The following TENM2 variants were observed in gnomAD, a reference collection of about 807,000 sequenced individuals.
The protein encoded by TENM2 is teneurin transmembrane protein 2.
In TENM2, 52 loss-of-function variants were observed where a neutral mutation model predicts 245.2. The ratio of observed to expected loss-of-function variants is 0.21; its 90% CI spans 0.17 to 0.27. TENM2 has a LOEUF of 0.27. TENM2 is among the 10% of genes least tolerant of loss of function. The probability of loss-of-function intolerance (pLI) is 1.00; values close to 1 mark genes in which losing one functional copy is unlikely to be tolerated. For synonymous variants in TENM2, 1,363 were observed against 1,438.9 expected, an observed-to-expected ratio of 0.95 and a Z score of 1.19; for missense variants, 3,046 against 3,666.8, an observed-to-expected ratio of 0.83 and a Z score of 4.37.
intron 20 of TENM2, among the ~76,000 whole-genome samples, chr5:168,213,706 C>T (rs1762963839): frequency 6.6e-6 from 1 of 151,892 alleles, no homozygotes; most frequent in Admixed American, 6.6e-5. Flanking sequence ...TGGTGGCATG[C>T]ACCTGTAGTT....
At chr5:168,255,939 G>C (rs1334465566) in intron 27 of TENM2, among the ~76,000 whole-genome samples, 3 of 151,854 alleles carry the variant, frequency 2.0e-5, no homozygotes, top group Non-Finnish European at 4.4e-5. Flanking sequence ...CTGAGTAGCT[G>C]GGATTACAGG....
chr5:167,744,887 CCT>C (rs1210433455), intron 2 of TENM2, among the ~76,000 whole-genome samples: 1 of 152,110 alleles, frequency 6.6e-6, no homozygotes, highest in Non-Finnish European at 1.5e-5. Flanking sequence ...GGACCTAGGA[CCT>C]ATAGATTTTA....
intron 12 of TENM2, among the ~76,000 whole-genome samples, chr5:168,144,001 C>T (rs974846406): frequency 7.0e-6 from 1 of 141,942 alleles, no homozygotes; most frequent in African/African-American, 2.7e-5. Flanking sequence ...AGGCATGCAC[C>T]ACCATGCCCA....
At chr5:168,047,635 T>C in intron 6 of TENM2, 86 bp downstream of exon 8, 1 of 1,460,684 alleles carries the variant, frequency 6.8e-7, no homozygotes. Context: ...CTAATCCAAA[T>C]CTTGGAAGGT....
chr5:167,204,929 C>T, the TENM2 span, among the ~76,000 whole-genome samples: 4 of 152,206 alleles, frequency 2.6e-5, no homozygotes, highest in Non-Finnish European at 4.4e-5. Flanking sequence ...GACTTTGCCA[C>T]TAATTACTTG....
intron 6 of TENM2, among the ~76,000 whole-genome samples, chr5:168,052,092 C>T (rs1478420684): frequency 6.6e-6 from 1 of 151,398 alleles, no homozygotes; most frequent in Non-Finnish European, 1.5e-5. Flanking sequence ...AGACCTCATC[C>T]CTATTTTTAA....
At chr5:167,038,462 G>C in the TENM2 span, among the ~76,000 whole-genome samples, 1 of 152,294 alleles carries the variant, frequency 6.6e-6, no homozygotes, top group African/African-American at 2.4e-5. Context: ...TGAGGGAGGA[G>C]AGATGTAATC....
intron 5 of TENM2, among the ~76,000 whole-genome samples, chr5:168,036,107 G>A (rs1787639962): frequency 6.6e-6 from 1 of 152,190 alleles, no homozygotes; most frequent in African/African-American, 2.4e-5. Flanking sequence ...AGATGTATTA[G>A]GTTAGGCCTG....
intron 7 of TENM2, among the ~76,000 whole-genome samples, chr5:168,065,169 C>T (rs1429791162): frequency 3.3e-5 from 5 of 152,090 alleles, no homozygotes; most frequent in Non-Finnish European, 5.9e-5. Context: ...GGCTGTGCTA[C>T]GTGAAATAGT....
At chr5:167,294,387 C>T (rs538958423) in intron 1 of TENM2, 1 of 152,026 alleles carries the variant, frequency 6.6e-6, no homozygotes, top group Admixed American at 6.6e-5. Flanking sequence ...TTTCATGGGA[C>T]TTGGTATGAT....
the TENM2 span, among the ~76,000 whole-genome samples, chr5:166,987,420 G>GGT: frequency 0.1 from 14,832 of 147,096 alleles, 1,158 homozygotes; most frequent in East Asian, 0.28. Flanking sequence ...GTTTAGTAAG[G>GGT]GTGTGTGTGT....
intron 3 of TENM2, among the ~76,000 whole-genome samples, chr5:167,892,115 A>G (rs761853804): frequency 1.3e-5 from 2 of 152,232 alleles, no homozygotes; most frequent in Non-Finnish European, 2.9e-5. Context: ...TTGTAAGCAC[A>G]TTATGGACTG....
At chr5:167,420,064 A>G (rs941892952) in intron 2 of TENM2, among the ~76,000 whole-genome samples, 1 of 152,210 alleles carries the variant, frequency 6.6e-6, no homozygotes, top group Non-Finnish European at 1.5e-5. Context: ...AGATGTAGGT[A>G]TAGAGTTTTA....
chr5:167,298,519 C>G (rs963465075), intron 1 of TENM2, among the ~76,000 whole-genome samples: 1 of 152,126 alleles, frequency 6.6e-6, no homozygotes, highest in African/African-American at 2.4e-5. Context: ...AGGAGAATGG[C>G]GTAAACCCCA....
intron 1 of TENM2, among the ~76,000 whole-genome samples, chr5:167,344,331 GAT>G (rs60730616): frequency 1.9e-5 from 2 of 102,582 alleles, no homozygotes; most frequent in Non-Finnish European, 4.7e-5. Context: ...TATATATATA[GAT>G]ATATTGCAGA....
the TENM2 span, among the ~76,000 whole-genome samples, chr5:167,226,099 A>G: frequency 9.9e-5 from 15 of 151,730 alleles, no homozygotes; most frequent in African/African-American, 3.6e-4. Context: ...TATCTTTTCA[A>G]AAAACTTTTC....
At chr5:167,178,499 G>A in the TENM2 span, among the ~76,000 whole-genome samples, 758 of 152,216 alleles carry the variant, frequency 5.0e-3, 5 homozygotes, top group South Asian at 0.022. Context: ...GAGTGTTAGC[G>A]CAGACAGCAG....
chr5:167,099,864 A>G, the TENM2 span, among the ~76,000 whole-genome samples: 7 of 152,194 alleles, frequency 4.6e-5, no homozygotes, highest in South Asian at 1.5e-3. Flanking sequence ...AGGTTGCTCC[A>G]GGCATGTGGA....
chr5:167,920,740 C>T (rs1056625905), intron 3 of TENM2, among the ~76,000 whole-genome samples: 9 of 152,106 alleles, frequency 5.9e-5, no homozygotes, highest in African/African-American at 1.7e-4. Flanking sequence ...GTAAGACTGC[C>T]AGAAAACAGG....
Sources: allele counts gnomAD v4.1 joint callset (sites outside exome capture counted in the v4.1 genomes callset), GRCh38; gene constraint gnomAD v4.1.1; transcripts MANE v1.5; gene names NCBI Gene and HGNC (gene_info 2026-07-23, HGNC 2026-07-21).